The following DLG2 variants were observed in gnomAD, a reference collection of about 807,000 sequenced individuals.
DLG2 encodes discs large MAGUK scaffold protein 2, also known as disks large homolog 2.
A neutral mutation model predicts 132.5 loss-of-function variants in DLG2; 45 were observed. That is an observed-to-expected ratio of 0.34 (90% confidence interval 0.27 to 0.44). DLG2 has a LOEUF of 0.44. DLG2 is among the 20% of genes least tolerant of loss of function. The pLI is 1.00. For missense variants in DLG2, 1,045 were observed against 1,196.9 expected, an observed-to-expected ratio of 0.87 and a Z score of 1.87; for synonymous variants, 424 against 419.6, an observed-to-expected ratio of 1.01 and a Z score of -0.13.
At chr11:83,753,993 T>C (rs1457398257) in intron 18 of DLG2, among the ~76,000 whole-genome samples, 2 of 147,922 alleles carry the variant, frequency 1.4e-5, no homozygotes, top group African/African-American at 5.2e-5. Flanking sequence ...AAGGCAGTAA[T>C]ACAACAATTC....
intron 22 of DLG2, chr11:83,480,471 G>A (rs893558655): frequency 3.0e-5 from 46 of 1,508,398 alleles, no homozygotes; most frequent in South Asian, 9.6e-5. Context: ...CAGCCAGAAC[G>A]GAAAGGAATA....
intron 3 of DLG2, among the ~76,000 whole-genome samples, chr11:85,594,506 A>T (rs2079589876): frequency 6.6e-6 from 1 of 152,184 alleles, no homozygotes; most frequent in African/African-American, 2.4e-5. Context: ...GAAGAAATAT[A>T]AGGCAATAAG....
chr11:85,112,488 A>AT (rs968311941), intron 5 of DLG2, among the ~76,000 whole-genome samples: 39 of 152,014 alleles, frequency 2.6e-4, no homozygotes, highest in African/African-American at 9.4e-4. Flanking sequence ...GGGGGGAAAG[A>AT]TTTTAATAAG....
intron 9 of DLG2, among the ~76,000 whole-genome samples, chr11:84,146,224 A>G (rs2095075093): frequency 6.6e-6 from 1 of 151,446 alleles, no homozygotes; most frequent in Non-Finnish European, 1.5e-5. Flanking sequence ...GCAACCTGCC[A>G]ATGTTGTTCT....
intron 7 of DLG2, among the ~76,000 whole-genome samples, chr11:84,337,347 T>C (rs2098490785): frequency 6.6e-6 from 1 of 152,216 alleles, no homozygotes. Context: ...GAGTTGGATG[T>C]CATTACTAGG....
chr11:85,304,292 A>G (rs1040330374), intron 3 of DLG2, among the ~76,000 whole-genome samples: 2 of 152,092 alleles, frequency 1.3e-5, no homozygotes, highest in Non-Finnish European at 2.9e-5. Context: ...TAGAAAACAT[A>G]CCCTCTGCTT....
At chr11:84,362,840 C>A (rs1263099578) in intron 7 of DLG2, among the ~76,000 whole-genome samples, 1 of 152,130 alleles carries the variant, frequency 6.6e-6, no homozygotes, top group African/African-American at 2.4e-5. Flanking sequence ...GACATGAACT[C>A]ATCATTTTTG....
rs751925047 is a variant in DLG2 at position 84,014,785 on chromosome 11, A to G, written c.920-34143T>C. On this transcript the variant is annotated intron_variant, in intron 11 of 27. Transcript: ENST00000376104. ...TCTTTCACAATCCAATATAAAATCA[A>G]TGATGTTTCTTGCACAGGTGCACCT... Among the ~76,000 whole-genome samples, 208 of 152,008 alleles carry G rather than the reference A, an allele frequency of 1.4e-3. 2 individuals carry two copies. Among genetic ancestry groups the G allele is most frequent in the Non-Finnish European group, 1.0e-4 (7 of 67,994 alleles).
intron 7 of DLG2, among the ~76,000 whole-genome samples, chr11:84,350,181 C>G (rs943927428): frequency 8.4e-5 from 12 of 143,108 alleles, no homozygotes; most frequent in Admixed American, 2.7e-4. Context: ...TCGTCCCCCC[C>G]CCCAAAAAAA....
chr11:85,111,764 T>G (rs349058), intron 5 of DLG2, 29 bp from the exon 6 acceptor site: 45,030 of 1,512,714 alleles, frequency 0.03, 986 homozygotes, highest in Admixed American at 0.082. Flanking sequence ...TATATTATAT[T>G]CTATTTATTA....
chr11:84,072,466 AG>A (rs1339930165), intron 10 of DLG2, among the ~76,000 whole-genome samples: 1 of 152,248 alleles, frequency 6.6e-6, no homozygotes, highest in Non-Finnish European at 1.5e-5. Flanking sequence ...AGAGAAATAC[AG>A]GGTAATGCAG....
chr11:84,697,878 T>C (rs778243777), intron 6 of DLG2, among the ~76,000 whole-genome samples: 6 of 151,544 alleles, frequency 4.0e-5, no homozygotes, highest in South Asian at 2.1e-4. Flanking sequence ...CCTAGCACCA[T>C]TGAAAAGCAC....
At chr11:84,290,503 A>C (rs1281300249) in intron 7 of DLG2, among the ~76,000 whole-genome samples, 2 of 152,112 alleles carry the variant, frequency 1.3e-5, no homozygotes, top group East Asian at 3.9e-4. Flanking sequence ...AAAACGTGAA[A>C]ACATTTTTGG....
At chr11:84,877,289 A>G (rs758406308) in intron 6 of DLG2, among the ~76,000 whole-genome samples, 2 of 151,926 alleles carry the variant, frequency 1.3e-5, no homozygotes, top group African/African-American at 2.4e-5. Flanking sequence ...GTGGGGTGTA[A>G]AAGTCTCCCA....
intron 6 of DLG2, among the ~76,000 whole-genome samples, chr11:84,683,569 C>A (rs17808095): frequency 0.12 from 18,504 of 152,102 alleles, 1,432 homozygotes; most frequent in Admixed American, 0.18. Context: ...CAGGGATTAA[C>A]GAAAAGCCTC....
intron 6 of DLG2, among the ~76,000 whole-genome samples, chr11:84,754,166 A>G (rs2066549326): frequency 6.6e-6 from 1 of 152,252 alleles, no homozygotes; most frequent in Non-Finnish European, 1.5e-5. Context: ...AAATTAAGAC[A>G]GTGATTCTAT....
At chr11:84,387,073 AC>A (rs2098773632) in intron 7 of DLG2, among the ~76,000 whole-genome samples, 1 of 151,900 alleles carries the variant, frequency 6.6e-6, no homozygotes, top group African/African-American at 2.4e-5. Context: ...GGAACTCCCC[AC>A]CACCTCTTCC....
chr11:84,019,511 G>A (rs970999253), intron 11 of DLG2, among the ~76,000 whole-genome samples: 3 of 152,114 alleles, frequency 2.0e-5, no homozygotes, highest in Non-Finnish European at 4.4e-5. Context: ...TTTGAGAGAG[G>A]GAGTGTTGTG....
At chr11:84,418,566 C>A (rs1018578431) in intron 7 of DLG2, among the ~76,000 whole-genome samples, 5 of 152,118 alleles carry the variant, frequency 3.3e-5, no homozygotes, top group Non-Finnish European at 7.4e-5. Context: ...ATGCTTTTAA[C>A]CATTATTGCA....
Sources: allele counts gnomAD v4.1 joint callset (sites outside exome capture counted in the v4.1 genomes callset), GRCh38; gene constraint gnomAD v4.1.1; transcripts MANE v1.5; gene names NCBI Gene and HGNC (gene_info 2026-07-23, HGNC 2026-07-21).